Variants in ST6GALNAC5 observed in about 807,000 individuals in gnomAD.
ST6GALNAC5 encodes the protein ST6 N-acetylgalactosaminide alpha-2,6-sialyltransferase 5.
A neutral mutation model predicts 33.6 loss-of-function variants in ST6GALNAC5; 27 were observed. That is an observed-to-expected ratio of 0.80 (90% confidence interval 0.59 to 1.11). ST6GALNAC5 has a LOEUF of 1.11. ST6GALNAC5 is among the 50% of genes least tolerant of loss of function. The pLI is 0.00. For synonymous variants in ST6GALNAC5, 194 were observed against 171.2 expected (o/e 1.13, Z -1.04); for missense variants, 428 against 454.0 (o/e 0.94, Z 0.52).
chr1:76,905,860 G>C (rs113684723), intron 2 of ST6GALNAC5, among the ~76,000 whole-genome samples: 2,768 of 152,242 alleles, frequency 0.018, 87 homozygotes, highest in African/African-American at 0.062. Flanking sequence ...TGAGGGAAGG[G>C]AGCAATAAAT....
intron 2 of ST6GALNAC5, among the ~76,000 whole-genome samples, chr1:76,916,069 G>A (rs970309493): frequency 7.3e-5 from 11 of 151,116 alleles, no homozygotes; most frequent in Middle Eastern, 3.4e-3. Context: ...ACTTTTCCTT[G>A]CTTTTGTAGT....
intron 2 of ST6GALNAC5, among the ~76,000 whole-genome samples, chr1:76,936,930 T>G (rs1647211097): frequency 8.8e-6 from 1 of 114,256 alleles, no homozygotes; most frequent in African/African-American, 3.1e-5. Flanking sequence ...ACAATTCAAG[T>G]CAGGAGACTG....
At position 76,988,854 on chromosome 1, in the gene ST6GALNAC5, G is replaced by A. The variant is rs150508606; in HGVS notation, c.262-55350G>A. 2.6e-3 allele frequency among the ~76,000 whole-genome samples: 402 copies of A among 151,816 alleles called. 2 individuals are homozygous for A. The highest frequency in any genetic ancestry group is 8.9e-3 in the African/African-American group (368 of 41,416). On this transcript the variant is annotated intron_variant, in intron 2 of 4. Coordinates refer to ENST00000477717, the MANE Select transcript of ST6GALNAC5 (RefSeq NM_030965.3). ...ATTGACTGAATTTTCTCTTTTATTG[G>A]TTCCCACAAAAAGACATCAACAAAA...
intron 2 of ST6GALNAC5, among the ~76,000 whole-genome samples, chr1:76,984,153 A>G (rs1649380586): frequency 6.6e-6 from 1 of 152,232 alleles, no homozygotes; most frequent in African/African-American, 2.4e-5. Flanking sequence ...GCAAGAAATA[A>G]CTAAGATCAG....
intron 2 of ST6GALNAC5, among the ~76,000 whole-genome samples, chr1:76,896,038 G>A (rs1007459098): frequency 1.8e-4 from 28 of 152,310 alleles, no homozygotes; most frequent in East Asian, 5.8e-4. Context: ...GCAGAGGACT[G>A]TAAGGGATAT....
intron 2 of ST6GALNAC5, among the ~76,000 whole-genome samples, chr1:76,964,274 T>G (rs1344036606): frequency 1.3e-5 from 2 of 152,176 alleles, no homozygotes; most frequent in African/African-American, 4.8e-5. Context: ...ACTGCAGTAA[T>G]CTTACGGATT....
intron 2 of ST6GALNAC5, among the ~76,000 whole-genome samples, chr1:76,881,562 AT>A (rs527388608): frequency 5.3e-5 from 8 of 151,528 alleles, no homozygotes; most frequent in East Asian, 1.9e-4. Flanking sequence ...GAAACCAGGC[AT>A]TTTTTTTTCT....
chr1:76,903,167 T>G (rs933304455), intron 2 of ST6GALNAC5, among the ~76,000 whole-genome samples: 2 of 152,182 alleles, frequency 1.3e-5, no homozygotes, highest in Non-Finnish European at 2.9e-5. Flanking sequence ...ATCCAGAATA[T>G]GTAAAGACCC....
chr1:77,009,583 C>A (rs921195487), intron 2 of ST6GALNAC5, among the ~76,000 whole-genome samples: 3 of 152,120 alleles, frequency 2.0e-5, no homozygotes, highest in Admixed American at 1.3e-4. Context: ...GCGACATCAA[C>A]TATAACACAA....
chr1:76,887,330 T>C (rs1653919536), intron 2 of ST6GALNAC5, among the ~76,000 whole-genome samples: 1 of 152,194 alleles, frequency 6.6e-6, no homozygotes, highest in African/African-American at 2.4e-5. Context: ...TTTCTGTCAG[T>C]TTTTTTGCAT....
At chr1:76,951,223 G>A (rs1244556556) in intron 2 of ST6GALNAC5, among the ~76,000 whole-genome samples, 3 of 152,174 alleles carry the variant, frequency 2.0e-5, no homozygotes, top group Admixed American at 6.6e-5. Flanking sequence ...GTAAAAGCCA[G>A]ATGCAACAGA....
chr1:76,964,706 C>T, intron 2 of ST6GALNAC5, among the ~76,000 whole-genome samples: 1 of 152,084 alleles, frequency 6.6e-6, no homozygotes, highest in East Asian at 1.9e-4. Flanking sequence ...TTTCCTGCAC[C>T]CATTAACTCG....
At chr1:76,961,383 G>A (rs976243824) in intron 2 of ST6GALNAC5, among the ~76,000 whole-genome samples, 2 of 152,156 alleles carry the variant, frequency 1.3e-5, no homozygotes, top group Non-Finnish European at 2.9e-5. Context: ...TCTGGAATGC[G>A]AAGAAGAAAG....
chr1:76,867,755 C>A, intron 1 of ST6GALNAC5, 65 bp downstream of exon 1: 1 of 1,612,822 alleles, frequency 6.2e-7, no homozygotes, highest in Non-Finnish European at 8.5e-7. Context: ...GTCCACGGGA[C>A]GCACCGTGGA....
At chr1:76,924,186 G>A (rs1647062753) in intron 2 of ST6GALNAC5, among the ~76,000 whole-genome samples, 1 of 152,114 alleles carries the variant, frequency 6.6e-6, no homozygotes, top group Non-Finnish European at 1.5e-5. Flanking sequence ...CCACAAACCA[G>A]ATTCTGTTCA....
intron 2 of ST6GALNAC5, among the ~76,000 whole-genome samples, chr1:76,947,410 A>G (rs548674302): frequency 6.6e-6 from 1 of 152,228 alleles, no homozygotes; most frequent in Admixed American, 6.5e-5. Flanking sequence ...AGTATACACT[A>G]CAACAACAAC....
At chr1:76,872,068 AACACACAC>A (rs66721550) in intron 2 of ST6GALNAC5, among the ~76,000 whole-genome samples, 4,672 of 130,268 alleles carry the variant, frequency 0.036, 154 homozygotes, top group African/African-American at 0.079. Context: ...TAACCAAGCT[AACACACAC>A]ACACACACAC....
rs547343711 is a variant in ST6GALNAC5, at chr1:76,973,771, T to C, written c.262-70433T>C. ...TTAAATTCTCATGAAATGTTTCTTG[T>C]GTGTGTAACCAGACTCAATTGTCCA... On this transcript the variant is annotated intron_variant, in intron 2 of 4. Transcript: ENST00000477717. Among the ~76,000 whole-genome samples, 11 of 152,304 alleles carry C rather than the reference T, an allele frequency of 7.2e-5. No individual in the cohort carries two copies. In the South Asian group the frequency reaches 2.3e-3, roughly 32 times the overall value.
At chr1:77,023,241 G>T (rs1651118362) in intron 2 of ST6GALNAC5, among the ~76,000 whole-genome samples, 1 of 152,190 alleles carries the variant, frequency 6.6e-6, no homozygotes. Flanking sequence ...GCAACCAGTG[G>T]TATTTTGTTA....
Sources: allele counts gnomAD v4.1 joint callset (sites outside exome capture counted in the v4.1 genomes callset), GRCh38; gene constraint gnomAD v4.1.1; transcripts MANE v1.5; gene names NCBI Gene and HGNC (gene_info 2026-07-23, HGNC 2026-07-21).